FRMPD2: variants seen among roughly 807,000 people sequenced by gnomAD.
FRMPD2 encodes FERM and PDZ domain-containing protein 2.
Under a neutral mutation model 140.1 loss-of-function variants are expected in FRMPD2, and 96 were observed. The ratio of observed to expected loss-of-function variants is 0.69; its 90% confidence interval spans 0.58 to 0.81. The LOEUF (loss-of-function observed/expected upper bound fraction) is 0.81. FRMPD2 is among the 40% of genes least tolerant of loss of function. The pLI is 0.00. For missense variants in FRMPD2, 1,240 were observed against 1,447.4 expected, an observed-to-expected ratio of 0.86 and a Z score of 2.32; for synonymous variants, 449 against 547.6, an observed-to-expected ratio of 0.82 and a Z score of 2.52.
chr10:48,221,708 G>A (rs920246623), intron 12 of FRMPD2, among the ~76,000 whole-genome samples: 6 of 152,152 alleles, frequency 3.9e-5, no homozygotes, highest in African/African-American at 1.4e-4. Flanking sequence ...GTACCTATTG[G>A]ACTAGAACTA....
chr10:48,271,098 G>C (rs932198846), intron 1 of FRMPD2, among the ~76,000 whole-genome samples: 5 of 152,164 alleles, frequency 3.3e-5, no homozygotes, highest in Non-Finnish European at 7.3e-5. Flanking sequence ...CAGATCCTGA[G>C]CAAGATTTGC....
chr10:48,184,405 T>C (rs1838624722), intron 20 of FRMPD2, among the ~76,000 whole-genome samples, 161 bp downstream of exon 20: 1 of 152,074 alleles, frequency 6.6e-6, no homozygotes, highest in South Asian at 2.1e-4. Context: ...ATTGCAAAGC[T>C]TATTAATTTG....
chr10:48,183,894 C>T lies in FRMPD2; in HGVS notation c.2584+672G>A, dbSNP rs377140818. Among the ~76,000 whole-genome samples the T allele has an allele frequency of 6.8e-5, 9 of 132,668 alleles. No homozygotes were observed. In the East Asian group the frequency reaches 2.1e-3, roughly 31 times the overall value. The allele number at this position is 132,668 out of a possible 152,430, so 87.0% of individuals were successfully genotyped here. A position where few individuals can be genotyped will look rare whatever the true frequency, so the allele number is the denominator to read the frequency against. ...ATCAAATACCGCATGTTCTCATTTA[C>T]AAGTGGGAGCTAAATAATGAGAACC... is the stretch of plus-strand genomic sequence containing the variant. On this transcript the variant is annotated intron_variant, in intron 20 of 28. Transcript: ENST00000374201.
intron 12 of FRMPD2, among the ~76,000 whole-genome samples, chr10:48,218,017 G>A (rs923223209): frequency 2.6e-5 from 4 of 152,208 alleles, no homozygotes; most frequent in Admixed American, 6.5e-5. Flanking sequence ...GGAAGTCCAA[G>A]ACCAAGGCTT....
chr10:48,242,214 CA>C lies in FRMPD2; in HGVS notation c.513del (p.Ala172LeufsTer81), dbSNP rs956058024. On this transcript the variant is annotated frameshift_variant, in exon 5 of 29. Coordinates refer to ENST00000374201, the MANE Select transcript of FRMPD2 (RefSeq NM_001018071.4). LOFTEE classifies it high-confidence loss of function. ...ACCAGCCTTCTGATGTGGAGACCAG[CA>C]GGGGCTGGGTAGACAGACACTTCTT... ...HEKEVSVYPA[P>X]AGLHIRRLVG... is the part of the protein sequence containing the mutation. The C allele has an allele frequency of 3.1e-6, 5 of 1,614,072 alleles. No homozygotes were observed. The highest frequency in any genetic ancestry group is 4.2e-6 in the Non-Finnish European group (5 of 1,180,020).
intron 22 of FRMPD2, 193 bp downstream of exon 22, chr10:48,177,854 C>T (rs1450688855): frequency 4.3e-6 from 2 of 469,376 alleles, no homozygotes; most frequent in Non-Finnish European, 8.1e-6. Context: ...CCTGCTCATC[C>T]TGAGGTTCCC....
intron 21 of FRMPD2, 118 bp from the exon 22 acceptor site, chr10:48,178,269 T>C (rs1838460448): frequency 9.6e-6 from 7 of 726,376 alleles, no homozygotes. Flanking sequence ...AGCTTTGGAT[T>C]GGGCCAGCAG....
At chr10:48,194,978 C>T (rs1164641190) in intron 15 of FRMPD2, among the ~76,000 whole-genome samples, 1 of 152,202 alleles carries the variant, frequency 6.6e-6, no homozygotes, top group Non-Finnish European at 1.5e-5. Flanking sequence ...AGTTTCTATT[C>T]CCTGCTGTGG....
intron 4 of FRMPD2, 82 bp downstream of exon 4, chr10:48,244,702 A>G (rs528482836): frequency 9.6e-7 from 1 of 1,040,400 alleles, no homozygotes; most frequent in South Asian, 1.3e-5. Context: ...TGCTCAGTAA[A>G]TGTGGTCCCT....
chr10:48,205,880 A>C (rs1373099627), intron 14 of FRMPD2, among the ~76,000 whole-genome samples: 1 of 152,248 alleles, frequency 6.6e-6, no homozygotes, highest in Non-Finnish European at 1.5e-5. Context: ...CTGAAAATGA[A>C]TGAAAGCAAT....
At chr10:48,194,266 A>G (rs1277285928) in intron 15 of FRMPD2, among the ~76,000 whole-genome samples, 2 of 152,222 alleles carry the variant, frequency 1.3e-5, no homozygotes, top group Non-Finnish European at 2.9e-5. Flanking sequence ...GAGTGTGTTA[A>G]TTATTTGCTC....
At chr10:48,219,865 A>G (rs1452260880) in intron 12 of FRMPD2, among the ~76,000 whole-genome samples, 1 of 152,242 alleles carries the variant, frequency 6.6e-6, no homozygotes, top group Non-Finnish European at 1.5e-5. Flanking sequence ...TAGGATTGCC[A>G]TTTGAGAAGA....
chr10:48,270,534 G>C (rs1588864457), intron 1 of FRMPD2, among the ~76,000 whole-genome samples: 1 of 152,032 alleles, frequency 6.6e-6, no homozygotes, highest in South Asian at 2.1e-4. Flanking sequence ...CTCTGCCCTG[G>C]CTCCCTCTTC....
At chr10:48,255,262 C>T (rs1461833045) in intron 1 of FRMPD2, among the ~76,000 whole-genome samples, 1 of 152,196 alleles carries the variant, frequency 6.6e-6, no homozygotes, top group African/African-American at 2.4e-5. Flanking sequence ...TCTTTGGGCC[C>T]TTTCCAATGA....
chr10:48,225,906 C>T (rs1228437073), intron 10 of FRMPD2, among the ~76,000 whole-genome samples: 1 of 152,148 alleles, frequency 6.6e-6, no homozygotes, highest in Non-Finnish European at 1.5e-5. Context: ...TTTTATAGGT[C>T]TGAAGGACAT....
chr10:48,177,324 G>A (rs1348827545), intron 22 of FRMPD2: 1 of 150,460 alleles, frequency 6.6e-6, no homozygotes, highest in African/African-American at 2.5e-5. Context: ...TGTTAGCCAG[G>A]ATAGTCTCAA....
intron 22 of FRMPD2, chr10:48,177,821 G>A: frequency 2.7e-6 from 1 of 375,898 alleles, no homozygotes; most frequent in South Asian, 3.2e-5. Flanking sequence ...CTCCTCATGA[G>A]TTTGGAGTCC....
intron 1 of FRMPD2, among the ~76,000 whole-genome samples, chr10:48,262,720 C>T (rs1840614971): frequency 6.6e-6 from 1 of 152,106 alleles, no homozygotes; most frequent in South Asian, 2.1e-4. Flanking sequence ...GAACACTCAC[C>T]AAGATATATC....
chr10:48,212,655 C>A (rs1328358486), intron 12 of FRMPD2, among the ~76,000 whole-genome samples: 1 of 152,182 alleles, frequency 6.6e-6, no homozygotes, highest in African/African-American at 2.4e-5. Context: ...GAGGTCTTAG[C>A]TTTGGCATCA....
Sources: gnomAD v4.1 joint callset for allele counts (sites outside exome capture counted in the v4.1 genomes callset) on GRCh38, gnomAD v4.1.1 for gene constraint, MANE v1.5 for transcripts, NCBI Gene and HGNC (gene_info 2026-07-23, HGNC 2026-07-21) for gene names.